The following RAD51B variants were observed in gnomAD, a reference collection of about 807,000 sequenced individuals.
The protein encoded by RAD51B is RAD51 paralog B, also known as DNA repair protein RAD51 homolog 2.
RAD51B carries 38 observed loss-of-function variants against 42.2 expected under a neutral mutation model. That is an observed-to-expected ratio of 0.90 (90% CI 0.70 to 1.18). The LOEUF (loss-of-function observed/expected upper bound fraction) is 1.18. RAD51B is among the 50% of genes most tolerant of loss of function. The pLI is 0.00. For synonymous variants in RAD51B, 154 were observed against 145.2 expected (o/e 1.06, Z -0.43); for missense variants, 373 against 400.7 (o/e 0.93, Z 0.59).
At chr14:67,909,624 T>C (rs1002995808) in intron 7 of RAD51B, among the ~76,000 whole-genome samples, 7 of 152,104 alleles carry the variant, frequency 4.6e-5, no homozygotes, top group Non-Finnish European at 2.9e-5. Flanking sequence ...GTGTAGTCAC[T>C]AAAAATAATG....
chr14:67,960,202 C>G (rs1178529771), intron 7 of RAD51B, among the ~76,000 whole-genome samples: 1 of 152,084 alleles, frequency 6.6e-6, no homozygotes, highest in African/African-American at 2.4e-5. Flanking sequence ...AATACTGTTT[C>G]TGTTGAGCAG....
At chr14:68,193,062 A>AG (rs1390349530) in intron 7 of RAD51B, among the ~76,000 whole-genome samples, 1 of 152,146 alleles carries the variant, frequency 6.6e-6, no homozygotes, top group Non-Finnish European at 1.5e-5. Flanking sequence ...GATCTCATTC[A>AG]GGTAAACTTT....
intron 7 of RAD51B, among the ~76,000 whole-genome samples, chr14:67,998,408 G>A (rs1445994138): frequency 6.6e-6 from 1 of 152,176 alleles, no homozygotes; most frequent in Non-Finnish European, 1.5e-5. Flanking sequence ...TGAGAACTGT[G>A]TTAACATCAT....
chr14:67,902,243 G>A lies in RAD51B; in HGVS notation c.756+15039G>A, dbSNP rs143278169. Among the ~76,000 whole-genome samples the A allele has an allele frequency of 3.0e-3, 448 of 151,842 alleles. 1 individual carries two copies. Among genetic ancestry groups the A allele is most frequent in the Admixed American group, 6.2e-3 (95 of 15,258 alleles). On this transcript the variant is annotated intron_variant, in intron 7 of 10. Coordinates refer to ENST00000471583, the MANE Select transcript of RAD51B (RefSeq NM_133510.4). ...AATAGATGAATAGTAATATATTTCC[G>A]ATTACTAAACTTTATAGAGGTTTTT... is the stretch of plus-strand genomic sequence containing the variant.
intron 10 of RAD51B, among the ~76,000 whole-genome samples, chr14:68,610,804 A>G (rs1891644951): frequency 6.6e-6 from 1 of 151,060 alleles, no homozygotes; most frequent in African/African-American, 2.4e-5. Context: ...TTCCCTTAAA[A>G]TACTGTTCAT....
At chr14:67,885,018 G>C (rs998904485) in intron 5 of RAD51B, among the ~76,000 whole-genome samples, 1 of 152,162 alleles carries the variant, frequency 6.6e-6, no homozygotes, top group Non-Finnish European at 1.5e-5. Context: ...AATATAGGAT[G>C]CTTTTTGAGT....
chr14:68,131,642 G>A (rs1040157063), intron 7 of RAD51B, among the ~76,000 whole-genome samples: 1 of 152,296 alleles, frequency 6.6e-6, no homozygotes, highest in East Asian at 1.9e-4. Context: ...GTTGCAGTGA[G>A]CCGAGATCAT....
At chr14:67,961,520 A>AGGTGTT (rs2074666804) in intron 7 of RAD51B, among the ~76,000 whole-genome samples, 1 of 152,198 alleles carries the variant, frequency 6.6e-6, no homozygotes, top group Admixed American at 6.5e-5. Context: ...AACACCATAC[A>AGGTGTT]CATAGCTTGA....
chr14:67,950,772 AACATTTAGGG>A (rs2074429080), intron 7 of RAD51B, among the ~76,000 whole-genome samples: 1 of 152,102 alleles, frequency 6.6e-6, no homozygotes, highest in Non-Finnish European at 1.5e-5. Context: ...CTCTTTCTTG[AACATTTAGGG>A]GCCATTTTAT....
At chr14:68,186,689 G>A (rs567861390) in intron 7 of RAD51B, among the ~76,000 whole-genome samples, 5 of 152,226 alleles carry the variant, frequency 3.3e-5, no homozygotes, top group African/African-American at 1.2e-4. Flanking sequence ...CAGTCAGAAT[G>A]GCTGCTATTA....
rs555336585 is a variant in RAD51B at position 68,161,809 on chromosome 14, TCC to T, written c.757-130074_757-130073del. Among the ~76,000 whole-genome samples the T allele has an allele frequency of 2.5e-4, 38 of 152,318 alleles. No individual in the cohort carries two copies. In the South Asian group the frequency reaches 7.9e-3, roughly 32 times the overall value. On this transcript the variant is annotated intron_variant, in intron 7 of 10. Transcript: ENST00000471583. ...ATCCCTAGAACATCATGCTTCTTCC[TCC>T]TTCTCCTTAATGTGAAACCATGATG... is the stretch of plus-strand genomic sequence containing the variant.
chr14:68,199,663 C>T (rs964556996), intron 7 of RAD51B, among the ~76,000 whole-genome samples: 2 of 152,210 alleles, frequency 1.3e-5, no homozygotes, highest in Admixed American at 6.5e-5. Context: ...ATTCCGTCCT[C>T]CCCCTTCAGT....
At chr14:68,121,999 A>G (rs964882047) in intron 7 of RAD51B, among the ~76,000 whole-genome samples, 8 of 152,166 alleles carry the variant, frequency 5.3e-5, no homozygotes, top group African/African-American at 1.4e-4. Context: ...GCATATCACA[A>G]TAAACACTGG....
intron 7 of RAD51B, among the ~76,000 whole-genome samples, chr14:67,965,139 A>C (rs1275175735): frequency 6.6e-6 from 1 of 152,020 alleles, no homozygotes. Flanking sequence ...CCAATCCCAA[A>C]CTAATTTTTC....
At chr14:68,012,267 A>G (rs1441090955) in intron 7 of RAD51B, among the ~76,000 whole-genome samples, 1 of 152,094 alleles carries the variant, frequency 6.6e-6, no homozygotes, top group Non-Finnish European at 1.5e-5. Flanking sequence ...TATTATAATA[A>G]AGATGGGTTT....
downstream of RAD51B, among the ~76,000 whole-genome samples, chr14:68,479,688 T>TTTTTTTTTG (rs34627518): frequency 1.5e-5 from 2 of 137,014 alleles, no homozygotes; most frequent in African/African-American, 2.9e-5. Context: ...TTTTTTTTTT[T>TTTTTTTTTG]GCCAGAGTCT....
intron 9 of RAD51B, among the ~76,000 whole-genome samples, chr14:68,460,154 A>G (rs1339309560): frequency 6.6e-6 from 1 of 152,142 alleles, no homozygotes; most frequent in African/African-American, 2.4e-5. Context: ...CCAGAAGTCT[A>G]TAAAAGCAGC....
intron 10 of RAD51B, among the ~76,000 whole-genome samples, chr14:68,629,334 C>CA (rs561126671): frequency 3.5e-4 from 54 of 152,282 alleles, no homozygotes; most frequent in Admixed American, 3.1e-3. Context: ...GCATTGTCTC[C>CA]AGGGGGTTTG....
intron 7 of RAD51B, among the ~76,000 whole-genome samples, chr14:68,005,254 A>G (rs140461911): frequency 4.3e-4 from 65 of 151,834 alleles, no homozygotes; most frequent in African/African-American, 1.6e-3. Context: ...GGGTTTCACC[A>G]TGTTAGTCAG....
Sources: gnomAD v4.1 joint callset for allele counts (sites outside exome capture counted in the v4.1 genomes callset) on GRCh38, gnomAD v4.1.1 for gene constraint, MANE v1.5 for transcripts, NCBI Gene and HGNC (gene_info 2026-07-23, HGNC 2026-07-21) for gene names.